Variants in PDE1A observed in about 807,000 individuals in gnomAD.
The protein encoded by PDE1A is phosphodiesterase 1A.
PDE1A carries 35 observed loss-of-function variants against 61.7 expected under a neutral mutation model. The ratio of observed to expected loss-of-function variants is 0.57; its 90% CI spans 0.43 to 0.75. The LOEUF (loss-of-function observed/expected upper bound fraction) is 0.75, where lower values mean the gene tolerates loss of function less well. Among genes scored for constraint, PDE1A ranks in the 30% least tolerant of loss-of-function variants. PDE1A has a pLI of 0.00. For missense variants in PDE1A, 597 were observed against 630.6 expected (o/e 0.95, Z 0.57); for synonymous variants, 232 against 213.2 (o/e 1.09, Z -0.77).
At chr2:182,534,133 T>C in the PDE1A span, among the ~76,000 whole-genome samples, 1 of 152,034 alleles carries the variant, frequency 6.6e-6, no homozygotes, top group Non-Finnish European at 1.5e-5. Flanking sequence ...TAAAAGTATA[T>C]ACTCCTTTAT....
At chr2:182,350,074 C>A (rs534332373) in intron 1 of PDE1A, among the ~76,000 whole-genome samples, 1 of 152,100 alleles carries the variant, frequency 6.6e-6, no homozygotes. Flanking sequence ...CTGCCCCCAC[C>A]GAGTGTAACC....
chr2:182,378,638 C>G (rs958803362), intron 1 of PDE1A, among the ~76,000 whole-genome samples: 1 of 152,154 alleles, frequency 6.6e-6, no homozygotes, highest in Non-Finnish European at 1.5e-5. Flanking sequence ...CACTTAGACC[C>G]GTTTGCATGT....
At chr2:182,381,311 G>A (rs1700721737) in intron 1 of PDE1A, among the ~76,000 whole-genome samples, 1 of 152,050 alleles carries the variant, frequency 6.6e-6, no homozygotes, top group Admixed American at 6.6e-5. Context: ...TCATCATCAT[G>A]CTCTTTCTAG....
chr2:182,147,037 T>G (rs746878467), exon 14 of PDE1A: 1 of 1,253,750 alleles, frequency 8.0e-7, no homozygotes, highest in Non-Finnish European at 1.1e-6. Context: ...TAAAATTACC[T>G]CTCATGTTTA....
chr2:182,590,454 C>A, the PDE1A span, among the ~76,000 whole-genome samples: 1 of 151,958 alleles, frequency 6.6e-6, no homozygotes, highest in Admixed American at 6.6e-5. Context: ...GGCAACATAG[C>A]CAGACCCTGT....
At chr2:182,568,175 T>A in the PDE1A span, among the ~76,000 whole-genome samples, 1 of 152,186 alleles carries the variant, frequency 6.6e-6, no homozygotes, top group Admixed American at 6.5e-5. Flanking sequence ...AATTTAAATT[T>A]AAAATGTAAC....
chr2:182,187,737 CTTTTTTTTTT>C (rs1038970569), intron 11 of PDE1A, among the ~76,000 whole-genome samples: 1 of 66,382 alleles, frequency 1.5e-5, no homozygotes, highest in Non-Finnish European at 2.6e-5. Flanking sequence ...TTTTTTTGTT[CTTTTTTTTTT>C]TTTTTTTTTT....
Position 182,162,089 on chromosome 2 carries a change from C to T in PDE1A, c.1517-14937G>A, listed in dbSNP as rs1183422148. On this transcript the variant is annotated intron_variant, in intron 13 of 13. Coordinates refer to the PDE1A transcript ENST00000409365. Reference sequence around the variant, plus strand: ...GGGAGGGTCCAGAAGATACACCTTTCACTAATATTTTAAGAAATAAATTTG... The same window carrying T: ...GGGAGGGTCCAGAAGATACACCTTTTACTAATATTTTAAGAAATAAATTTG... Among the ~76,000 whole-genome samples, 4 of 152,162 alleles carry T rather than the reference C, an allele frequency of 2.6e-5. No homozygotes were observed. In the South Asian group the frequency reaches 8.3e-4, roughly 31 times the overall value.
intron 2 of PDE1A, among the ~76,000 whole-genome samples, chr2:182,466,037 C>CT (rs1245244178): frequency 6.6e-6 from 1 of 151,692 alleles, no homozygotes; most frequent in East Asian, 1.9e-4. Context: ...GTTGCCTACA[C>CT]TTTTGTGTGT....
At chr2:182,500,800 A>T (rs1197288075) in intron 2 of PDE1A, among the ~76,000 whole-genome samples, 4 of 152,326 alleles carry the variant, frequency 2.6e-5, no homozygotes, top group East Asian at 3.9e-4. Context: ...ACTGTTTAAC[A>T]TTGTGACCCA....
intron 2 of PDE1A, among the ~76,000 whole-genome samples, chr2:182,492,439 T>C (rs1574789576): frequency 6.6e-6 from 1 of 152,220 alleles, no homozygotes; most frequent in African/African-American, 2.4e-5. Flanking sequence ...AGTGAACTGA[T>C]GGATGATAAA....
the PDE1A span, among the ~76,000 whole-genome samples, chr2:182,583,671 T>C: frequency 0.011 from 1,640 of 152,324 alleles, 31 homozygotes; most frequent in African/African-American, 0.037. Context: ...TAGCCTTGAA[T>C]AAAGTCTTCC....
intron 3 of PDE1A, among the ~76,000 whole-genome samples, chr2:182,239,511 G>A (rs544797602): frequency 7.6e-4 from 115 of 152,042 alleles, no homozygotes; most frequent in African/African-American, 2.7e-3. Flanking sequence ...TGTAAAATTG[G>A]GTCATATTAG....
At chr2:182,272,996 T>C (rs766749854) in intron 1 of PDE1A, among the ~76,000 whole-genome samples, 4 of 152,112 alleles carry the variant, frequency 2.6e-5, no homozygotes, top group Non-Finnish European at 5.9e-5. Context: ...TTGATGAAGT[T>C]AATGTACAAG....
chr2:182,580,934 T>C, the PDE1A span, among the ~76,000 whole-genome samples: 1 of 152,056 alleles, frequency 6.6e-6, no homozygotes, highest in Non-Finnish European at 1.5e-5. Context: ...AGCTGCAAAA[T>C]ATATATGCCT....
chr2:182,243,836 T>C (rs1690746138), intron 2 of PDE1A, among the ~76,000 whole-genome samples: 1 of 152,174 alleles, frequency 6.6e-6, no homozygotes, highest in Non-Finnish European at 1.5e-5. Flanking sequence ...AACATATGGC[T>C]CAAAGTCTTA....
In PDE1A at chr2:182,469,553, A is replaced by G. The variant is rs114568888; in HGVS notation, c.101+52723T>C. ...CACTAAAACTTTCTCCATATCAGCA[A>G]TAAGTCTGTTTGGCTTCCTTATAAT... is the stretch of plus-strand genomic sequence containing the variant. On this transcript the variant is annotated intron_variant, in intron 2 of 14. Coordinates refer to the PDE1A transcript ENST00000410103. 5.8e-3 allele frequency among the ~76,000 whole-genome samples: 888 copies of G among 152,098 alleles called. 8 individuals carry two copies. Among genetic ancestry groups the G allele is most frequent in the African/African-American group, 0.021 (859 of 41,544 alleles).
chr2:182,484,540 T>G (rs62187661), intron 2 of PDE1A, among the ~76,000 whole-genome samples: 38,829 of 151,784 alleles, frequency 0.26, 5,189 homozygotes, highest in Middle Eastern at 0.42. Flanking sequence ...AAAAGCTTCT[T>G]CACAGCCAAA....
upstream of PDE1A, among the ~76,000 whole-genome samples, chr2:182,428,101 G>A (rs1244354339): frequency 3.3e-5 from 5 of 152,084 alleles, no homozygotes; most frequent in Admixed American, 6.6e-5. Context: ...TTATCGAGCC[G>A]TTCTAATCCA....
Sources: allele counts gnomAD v4.1 joint callset (sites outside exome capture counted in the v4.1 genomes callset), GRCh38; gene constraint gnomAD v4.1.1; transcripts MANE v1.5; gene names NCBI Gene and HGNC (gene_info 2026-07-23, HGNC 2026-07-21).